The following FAM200B variants were observed in gnomAD, a reference collection of about 807,000 sequenced individuals.
FAM200B encodes protein FAM200B.
FAM200B carries 32 observed loss-of-function variants against 33.1 expected under a neutral mutation model. The ratio of observed to expected loss-of-function variants is 0.97; its 90% CI spans 0.73 to 1.30. The LOEUF is 1.30. FAM200B is among the 50% of genes most tolerant of loss of function. FAM200B has a pLI of 0.00. For missense variants in FAM200B, 741 were observed against 754.0 expected (o/e 0.98, Z 0.20); for synonymous variants, 240 against 264.8 (o/e 0.91, Z 0.91).
chr4:15,658,665 T>A, the FAM200B span, among the ~76,000 whole-genome samples: 791 of 152,296 alleles, frequency 5.2e-3, 6 homozygotes, highest in African/African-American at 0.018. Context: ...ACCATAGACT[T>A]CTCAGCCCCA....
chr4:15,677,774 T>C (rs576629908), upstream of FAM200B, among the ~76,000 whole-genome samples: 2 of 152,332 alleles, frequency 1.3e-5, no homozygotes, highest in African/African-American at 2.4e-5. Flanking sequence ...AGTGCTTTCC[T>C]AAGTTCTGTG....
At chr4:15,647,413 G>A in the FAM200B span, among the ~76,000 whole-genome samples, 11 of 152,174 alleles carry the variant, frequency 7.2e-5, no homozygotes, top group African/African-American at 2.2e-4. Flanking sequence ...TATTTTATCT[G>A]AGGGACTTGA....
intron 1 of FAM200B, among the ~76,000 whole-genome samples, chr4:15,685,961 C>G (rs1184210861): frequency 2.0e-5 from 3 of 152,182 alleles, no homozygotes; most frequent in African/African-American, 7.2e-5. Context: ...TATACTCCTT[C>G]ATGGCTTGCT....
At chr4:15,654,024 G>A in the FAM200B span, among the ~76,000 whole-genome samples, 5 of 152,194 alleles carry the variant, frequency 3.3e-5, no homozygotes, top group African/African-American at 1.2e-4. Context: ...AGAATGGAGG[G>A]AGGGAGAAGA....
the FAM200B span, among the ~76,000 whole-genome samples, chr4:15,662,355 A>G: frequency 2.0e-5 from 3 of 151,472 alleles, no homozygotes; most frequent in African/African-American, 4.8e-5. Flanking sequence ...CAAATCATCT[A>G]TTCTGAGTTT....
chr4:15,686,836 G>A lies in FAM200B; in HGVS notation c.-142G>A. 1 of 463,026 alleles carries A rather than the reference G, an allele frequency of 2.2e-6. No homozygotes were observed. Among genetic ancestry groups the A allele is most frequent in the East Asian group, 3.4e-5 (1 of 29,250 alleles). 28.7% of individuals were successfully genotyped at this position (463,026 alleles called of 1,614,324 possible). A position where few individuals can be genotyped will look rare whatever the true frequency, so the allele number is the denominator to read the frequency against. ...ATTACAATTACTTGCAACTAGTTGT[G>A]AAGTCTGAAATATTCGATTCAATTG... On this transcript the variant is annotated 5_prime_UTR_variant, in exon 2 of 2. Coordinates refer to ENST00000422728, the MANE Select transcript of FAM200B (RefSeq NM_001145191.2).
chr4:15,687,094 T>C lies in FAM200B; in HGVS notation c.117T>C (p.Thr39=), dbSNP rs755256367. Residue 39 remains threonine (T), a synonymous_variant, in exon 2 of 2, where the codon ACT becomes ACC. Transcript: ENST00000422728. Reference sequence around the variant, plus strand: ...ATAGTGACAATATTGAGAAAAATACTGACTCCAATCTGCAAACTTCAACTT... The same window carrying C: ...ATAGTGACAATATTGAGAAAAATACCGACTCCAATCTGCAAACTTCAACTT... ...IVNSDNIEKN[T]DSNLQTSTSF... 1 of 1,548,994 alleles carries C rather than the reference T, an allele frequency of 6.5e-7. No individual in the cohort carries two copies. Among genetic ancestry groups the C allele is most frequent in the South Asian group, 1.2e-5 (1 of 83,316 alleles).
chr4:15,659,648 T>C, the FAM200B span: 1 of 521,098 alleles, frequency 1.9e-6, no homozygotes, highest in Non-Finnish European at 2.5e-6. Context: ...ATGTGTATAG[T>C]GGTCCATAAA....
At chr4:15,648,488 T>C in the FAM200B span, among the ~76,000 whole-genome samples, 3 of 152,300 alleles carry the variant, frequency 2.0e-5, no homozygotes, top group Non-Finnish European at 2.9e-5. Flanking sequence ...ACCTGAGTGC[T>C]TGTCCACAAA....
At chr4:15,645,312 TA>T in the FAM200B span, among the ~76,000 whole-genome samples, 1 of 152,148 alleles carries the variant, frequency 6.6e-6, no homozygotes, top group East Asian at 1.9e-4. Flanking sequence ...CTATAAAAAG[TA>T]GTGCGGATTA....
chr4:15,649,578 C>CAAAAAAAAAAAAA, the FAM200B span, among the ~76,000 whole-genome samples: 1 of 81,334 alleles, frequency 1.2e-5, no homozygotes, highest in African/African-American at 4.4e-5. Context: ...GACTACGTCT[C>CAAAAAAAAAAAAA]AAAAAAAAAA....
At chr4:15,679,263 A>C (rs115923787), upstream of FAM200B, among the ~76,000 whole-genome samples, 1,087 of 152,118 alleles carry the variant, frequency 7.1e-3, 10 homozygotes, top group African/African-American at 0.025. Flanking sequence ...GGGTTTCACC[A>C]TGTTGGTCAG....
chr4:15,655,103 C>G, the FAM200B span: 75 of 949,194 alleles, frequency 7.9e-5, no homozygotes, highest in Non-Finnish European at 9.0e-5. Context: ...GGCGACGGCA[C>G]GGGGCTGCGG....
At chr4:15,644,402 C>T in the FAM200B span, 1 of 1,020,070 alleles carries the variant, frequency 9.8e-7, no homozygotes, top group Admixed American at 2.3e-5. Context: ...AACATTACAT[C>T]ATTTACTATA....
At chr4:15,682,433 A>G (rs562331180) in intron 1 of FAM200B, among the ~76,000 whole-genome samples, 1 of 152,290 alleles carries the variant, frequency 6.6e-6, no homozygotes, top group East Asian at 1.9e-4. Context: ...GGAGAAATAA[A>G]TGATTATATA....
At chr4:15,641,151 T>C in the FAM200B span, among the ~76,000 whole-genome samples, 3 of 152,194 alleles carry the variant, frequency 2.0e-5, no homozygotes, top group South Asian at 6.2e-4. Flanking sequence ...TTGATGTATA[T>C]ATAAATTATA....
chr4:15,688,086 G>A lies in FAM200B; in HGVS notation c.1109G>A (p.Cys370Tyr). 6.4e-7 allele frequency: 1 copy of A among 1,551,120 alleles called. No homozygotes were observed. Among genetic ancestry groups the A allele is most frequent in the African/African-American group, 1.4e-5 (1 of 73,096 alleles). Residue 370 changes from cysteine to tyrosine, a missense_variant, in exon 2 of 2, where the codon TGT (cysteine) becomes TAT (tyrosine). By Grantham distance (194) the Cys-to-Tyr change is radical (BLOSUM62 -2). Coordinates refer to ENST00000422728, the MANE Select transcript of FAM200B (RefSeq NM_001145191.2). ...SLNSRLLETF[C>Y]SEIGTNHTHL... ...AATAGCCGGCTTCTTGAAACATTTT[G>A]TTCAGAGATTGGAACTAATCATACC...
the FAM200B span, among the ~76,000 whole-genome samples, chr4:15,665,567 G>A: frequency 2.0e-5 from 3 of 151,908 alleles, no homozygotes; most frequent in Non-Finnish European, 4.4e-5. Context: ...TATAACCCAA[G>A]TTTATATTTG....
At chr4:15,663,652 A>G in the FAM200B span, among the ~76,000 whole-genome samples, 1 of 152,220 alleles carries the variant, frequency 6.6e-6, no homozygotes, top group Non-Finnish European at 1.5e-5. Context: ...TGGAGATTAA[A>G]TGAGATTATA....
Sources: gnomAD v4.1 joint callset for allele counts (sites outside exome capture counted in the v4.1 genomes callset) on GRCh38, gnomAD v4.1.1 for gene constraint, MANE v1.5 for transcripts, NCBI Gene and HGNC (gene_info 2026-07-23, HGNC 2026-07-21) for gene names.